Variants in KCNMA1 observed in about 807,000 individuals in gnomAD.
The protein encoded by KCNMA1 is Calcium-activated potassium channel subunit alpha-1.
In KCNMA1, 29 loss-of-function variants were observed where a neutral mutation model predicts 140.0. That is an observed-to-expected ratio of 0.21 (90% CI 0.15 to 0.28). The LOEUF (loss-of-function observed/expected upper bound fraction) is 0.28, where lower values mean the gene tolerates loss of function less well. Among genes scored for constraint, KCNMA1 ranks in the 10% least tolerant of loss-of-function variants. The pLI, the probability that KCNMA1 is intolerant of heterozygous loss-of-function variation, is 1.00. For synonymous variants in KCNMA1, 612 were observed against 611.9 expected (o/e 1.00, Z 0.00); for missense variants, 880 against 1,602.2 (o/e 0.55, Z 7.70).
chr10:77,203,621 T>A (rs981300037), intron 3 of KCNMA1, among the ~76,000 whole-genome samples: 2 of 152,140 alleles, frequency 1.3e-5, no homozygotes, highest in Non-Finnish European at 2.9e-5. Context: ...GTTCCCATCA[T>A]CATGGTACCC....
chr10:76,870,146 C>G (rs1325935247), exon 28 of KCNMA1: 1 of 152,706 alleles, frequency 6.5e-6, no homozygotes, highest in Admixed American at 6.5e-5. Flanking sequence ...GGGAGGAGAG[C>G]GAGCGCTCTG....
At chr10:77,547,794 C>T (rs1447714239) in intron 1 of KCNMA1, among the ~76,000 whole-genome samples, 1 of 152,200 alleles carries the variant, frequency 6.6e-6, no homozygotes, top group Admixed American at 6.5e-5. Context: ...CCAAAGATAA[C>T]CATTTACAAC....
At chr10:77,095,933 A>T (rs1222502881) in intron 9 of KCNMA1, among the ~76,000 whole-genome samples, 1 of 152,196 alleles carries the variant, frequency 6.6e-6, no homozygotes. Context: ...GTCTATGACA[A>T]GGAAAATCTA....
intron 13 of KCNMA1, among the ~76,000 whole-genome samples, chr10:77,076,454 T>C (rs928573085): frequency 1.3e-5 from 2 of 152,218 alleles, no homozygotes; most frequent in African/African-American, 4.8e-5. Context: ...TATTAAAAGA[T>C]ACACTTTGGA....
At position 77,497,962 on chromosome 10, in the gene KCNMA1, C is replaced by T. The variant is rs558060417; in HGVS notation, c.379-93939G>A. Among the ~76,000 whole-genome samples the T allele has an allele frequency of 2.0e-5, 3 of 152,296 alleles. No individual in the cohort carries two copies. In the South Asian group the frequency reaches 6.2e-4, roughly 32 times the overall value. ...AATACCATGGCAACAAGAGCTCAGG[C>T]ATGCAATGCCCTCCTGCCCAGATTC... On this transcript the variant is annotated intron_variant, in intron 1 of 27. Coordinates refer to ENST00000286628, the MANE Select transcript of KCNMA1 (RefSeq NM_001161352.2).
chr10:76,915,174 T>C, intron 23 of KCNMA1, 125 bp from the exon 24 acceptor site: 1 of 691,208 alleles, frequency 1.4e-6, no homozygotes, highest in Non-Finnish European at 2.7e-6. Flanking sequence ...GGTCAACAAT[T>C]AGTATTCCCG....
At chr10:77,099,995 T>C (rs1051801594) in intron 9 of KCNMA1, among the ~76,000 whole-genome samples, 3 of 152,316 alleles carry the variant, frequency 2.0e-5, no homozygotes, top group African/African-American at 7.2e-5. Context: ...CTCTAATGTC[T>C]CTTGCTTTCA....
At chr10:77,000,741 T>G (rs977414737) in intron 19 of KCNMA1, among the ~76,000 whole-genome samples, 1 of 151,618 alleles carries the variant, frequency 6.6e-6, no homozygotes, top group Non-Finnish European at 1.5e-5. Flanking sequence ...GAAAAAGCTC[T>G]GTAATCCACT....
chr10:77,144,651 A>C (rs900685487), intron 5 of KCNMA1, among the ~76,000 whole-genome samples: 6 of 152,182 alleles, frequency 3.9e-5, no homozygotes, highest in African/African-American at 1.4e-4. Context: ...CAACAGAGAT[A>C]CTCAAACAGA....
chr10:77,372,098 G>A lies in KCNMA1; in HGVS notation c.540+31764C>T, dbSNP rs113821608. Among the ~76,000 whole-genome samples, 736 of 152,254 alleles carry A rather than the reference G, an allele frequency of 4.8e-3. 8 individuals are homozygous for A. The highest frequency in any genetic ancestry group is 0.017 in the African/African-American group (698 of 41,536). On this transcript the variant is annotated intron_variant, in intron 2 of 27. Transcript: ENST00000286628. ...CAGCCACAGACTTTCCAAAGGGAAA[G>A]TTCTGAACAAAGATTAATTGTTTGG...
chr10:77,073,087 G>A lies in KCNMA1; in HGVS notation c.1749+10C>T, dbSNP rs2096270248. 2.5e-6 allele frequency: 4 copies of A among 1,613,384 alleles called. No individual in the cohort carries two copies. Among genetic ancestry groups the A allele is most frequent in the South Asian group, 1.1e-5 (1 of 91,052 alleles). On this transcript the variant is annotated intron_variant, in intron 14 of 27. Coordinates refer to ENST00000286628, the MANE Select transcript of KCNMA1 (RefSeq NM_001161352.2). ...CCGAGCTAATGTGCTCTAATAAGAC[G>A]AGACGTTACCTTTATGAATGACCTC...
chr10:77,416,097 T>G (rs1178222068), intron 1 of KCNMA1, among the ~76,000 whole-genome samples: 1 of 152,146 alleles, frequency 6.6e-6, no homozygotes, highest in Non-Finnish European at 1.5e-5. Context: ...CTAGCCCAAA[T>G]GCCTCATTCT....
At chr10:77,067,281 G>A (rs2095991357) in intron 14 of KCNMA1, among the ~76,000 whole-genome samples, 1 of 152,194 alleles carries the variant, frequency 6.6e-6, no homozygotes, top group Non-Finnish European at 1.5e-5. Flanking sequence ...CCCTCTGCCT[G>A]ATGGTCAGTC....
intron 3 of KCNMA1, among the ~76,000 whole-genome samples, chr10:77,199,130 G>C (rs1778132506): frequency 6.6e-6 from 1 of 152,112 alleles, no homozygotes; most frequent in Non-Finnish European, 1.5e-5. Flanking sequence ...GTTTCCACTT[G>C]ATCACAATTT....
intron 14 of KCNMA1, among the ~76,000 whole-genome samples, chr10:77,065,744 G>T (rs1270531661): frequency 1.3e-5 from 2 of 152,030 alleles, no homozygotes; most frequent in African/African-American, 4.8e-5. Context: ...GTATTTAACA[G>T]GTTGTACATT....
chr10:77,504,732 G>GTAT (rs1390281984), intron 1 of KCNMA1, among the ~76,000 whole-genome samples: 21 of 151,974 alleles, frequency 1.4e-4, no homozygotes, highest in African/African-American at 4.8e-4. Context: ...AAATCACTAG[G>GTAT]TATTACAGGC....
chr10:77,392,076 G>A (rs189381240), intron 2 of KCNMA1, among the ~76,000 whole-genome samples: 3 of 149,094 alleles, frequency 2.0e-5, no homozygotes, highest in South Asian at 2.2e-4. Context: ...TCCAGGGGGC[G>A]CCAGCTTTCA....
At chr10:77,304,105 C>G (rs2077132473) in intron 2 of KCNMA1, among the ~76,000 whole-genome samples, 1 of 152,120 alleles carries the variant, frequency 6.6e-6, no homozygotes, top group Non-Finnish European at 1.5e-5. Flanking sequence ...TCCCTTAAAC[C>G]ACACCTCAGC....
At chr10:77,564,981 T>C (rs1291535753) in intron 1 of KCNMA1, among the ~76,000 whole-genome samples, 1 of 152,150 alleles carries the variant, frequency 6.6e-6, no homozygotes. Flanking sequence ...GAAGGAAAGC[T>C]GGCAGAGTGG....
Sources: allele counts gnomAD v4.1 joint callset (sites outside exome capture counted in the v4.1 genomes callset), GRCh38; gene constraint gnomAD v4.1.1; transcripts MANE v1.5; gene names NCBI Gene and HGNC (gene_info 2026-07-23, HGNC 2026-07-21).